The following DYSF variants were observed in gnomAD, a reference collection of about 807,000 sequenced individuals.
DYSF encodes dystrophy-associated fer-1-like 1.
DYSF carries 212 observed loss-of-function variants against 274.9 expected under a neutral mutation model. The observed-to-expected ratio is 0.77, with a 90% CI of 0.69 to 0.86. The LOEUF is 0.86. Ranked by LOEUF, DYSF falls within the 40% of genes least tolerant of loss-of-function variation. The pLI is 0.00. For synonymous variants in DYSF, 1,091 were observed against 1,078.7 expected, an observed-to-expected ratio of 1.01 and a Z score of -0.22; for missense variants, 2,666 against 2,783.2, an observed-to-expected ratio of 0.96 and a Z score of 0.95.
At chr2:71,485,029 G>T (rs2083255256) in intron 3 of DYSF, among the ~76,000 whole-genome samples, 1 of 152,178 alleles carries the variant, frequency 6.6e-6, no homozygotes, top group Admixed American at 6.6e-5. Flanking sequence ...GGTCCTCAAA[G>T]ATCAGTTTAT....
intron 46 of DYSF, among the ~76,000 whole-genome samples, chr2:71,664,949 C>T (rs1230658993): frequency 6.6e-6 from 1 of 152,230 alleles, no homozygotes; most frequent in South Asian, 2.1e-4. Flanking sequence ...AGTTGCAATT[C>T]CGTACTTAAA....
intron 51 of DYSF, among the ~76,000 whole-genome samples, chr2:71,672,668 C>T (rs1392017431): frequency 1.3e-5 from 2 of 152,206 alleles, no homozygotes; most frequent in Non-Finnish European, 2.9e-5. Context: ...CAGCTGCTCC[C>T]ACCAGGGGCC....
At chr2:71,594,048 G>T (rs758259631) in intron 32 of DYSF, among the ~76,000 whole-genome samples, 3 of 152,196 alleles carry the variant, frequency 2.0e-5, no homozygotes, top group Non-Finnish European at 4.4e-5. Flanking sequence ...ACAGTGGTGG[G>T]CCAGGTAGGT....
intron 13 of DYSF, 75 bp downstream of exon 13, chr2:71,526,421 C>CGGGGGGGGGGGGGGG: frequency 1.5e-5 from 4 of 272,068 alleles, no homozygotes; most frequent in East Asian, 9.7e-5. Flanking sequence ...TGGGCGATGG[C>CGGGGGGGGGGGGGGG]GGGCGGGGTC....
chr2:71,500,298 C>G (rs1410800096), intron 3 of DYSF, among the ~76,000 whole-genome samples: 2 of 152,140 alleles, frequency 1.3e-5, no homozygotes, highest in Non-Finnish European at 1.5e-5. Flanking sequence ...ATTTCTGACT[C>G]TTGTGAACTT....
At chr2:71,456,997 C>A (rs2081093689) in intron 1 of DYSF, among the ~76,000 whole-genome samples, 1 of 152,066 alleles carries the variant, frequency 6.6e-6, no homozygotes, top group South Asian at 2.1e-4. Flanking sequence ...AACAATTGAC[C>A]AAAAGATGGA....
intron 29 of DYSF, among the ~76,000 whole-genome samples, chr2:71,573,034 C>T (rs530121575): frequency 3.3e-5 from 5 of 152,342 alleles, no homozygotes; most frequent in East Asian, 1.9e-4. Context: ...CCTCTGTGCC[C>T]GCCTGTCCTG....
At chr2:71,665,942 G>T (rs529664858) in intron 47 of DYSF, among the ~76,000 whole-genome samples, 37 of 152,318 alleles carry the variant, frequency 2.4e-4, no homozygotes, top group African/African-American at 8.9e-4. Flanking sequence ...TACAGGCCCA[G>T]CTGGCCCCTT....
At position 71,548,010 on chromosome 2, in the gene DYSF, A is replaced by C. The variant is rs192859182; in HGVS notation, c.1577-3031A>C. On this transcript the variant is annotated intron_variant, in intron 17 of 55. Coordinates refer to ENST00000410020, the MANE Select transcript of DYSF (RefSeq NM_001130987.2). ...TGGCCACTGCTCTCCTCGGGCCTGC[A>C]GCTGTGTCTGTGTTGGCCCTCTCGC... Among the ~76,000 whole-genome samples, 299 of 152,318 alleles carry C rather than the reference A, an allele frequency of 2.0e-3. 2 individuals are homozygous for C. The highest frequency in any genetic ancestry group is 6.4e-3 in the African/African-American group (265 of 41,568).
intron 1 of DYSF, among the ~76,000 whole-genome samples, 174 bp downstream of exon 1, chr2:71,467,107 T>C (rs532095421): frequency 6.6e-6 from 1 of 152,300 alleles, no homozygotes; most frequent in South Asian, 2.1e-4. Context: ...CGATGAGGAA[T>C]AAGCAGAGCA....
intron 41 of DYSF, among the ~76,000 whole-genome samples, chr2:71,637,214 A>G (rs537867220): frequency 6.6e-6 from 1 of 152,094 alleles, no homozygotes; most frequent in African/African-American, 2.4e-5. Context: ...AATGACCCAG[A>G]GGGGAGGGAT....
chr2:71,680,234 A>C (rs1223698119), intron 53 of DYSF, among the ~76,000 whole-genome samples: 3 of 152,178 alleles, frequency 2.0e-5, no homozygotes, highest in African/African-American at 7.2e-5. Flanking sequence ...ACCCAAAGAT[A>C]AGGGAGGACT....
intron 3 of DYSF, among the ~76,000 whole-genome samples, chr2:71,487,578 G>A (rs1481051361): frequency 6.6e-6 from 1 of 152,090 alleles, no homozygotes; most frequent in Non-Finnish European, 1.5e-5. Flanking sequence ...GCATGATCTC[G>A]GCTCACTGCA....
At chr2:71,504,431 T>C (rs2152718021) in intron 4 of DYSF, among the ~76,000 whole-genome samples, 1 of 152,286 alleles carries the variant, frequency 6.6e-6, no homozygotes, top group Non-Finnish European at 1.5e-5. Flanking sequence ...TGTTCTGGTT[T>C]AGAGCAGTAT....
intron 40 of DYSF, among the ~76,000 whole-genome samples, chr2:71,618,228 TGG>T (rs199991568): frequency 1.4e-5 from 1 of 71,758 alleles, no homozygotes; most frequent in African/African-American, 5.5e-5. Flanking sequence ...GTGGTAGAGG[TGG>T]GGTGTGTGTG....
chr2:71,564,031 C>G, intron 23 of DYSF, 27 bp from the exon 24 acceptor site: 1 of 1,613,320 alleles, frequency 6.2e-7, no homozygotes, highest in Non-Finnish European at 8.5e-7. Flanking sequence ...GTCACCATCC[C>G]CACCCCGACC....
intron 36 of DYSF, among the ~76,000 whole-genome samples, chr2:71,610,597 T>C (rs192728669): frequency 6.6e-4 from 100 of 152,322 alleles, no homozygotes; most frequent in African/African-American, 2.3e-3. Flanking sequence ...TGCTCGTCTC[T>C]GTAGTGGAGA....
chr2:71,651,746 A>T (rs2094666445), intron 42 of DYSF, among the ~76,000 whole-genome samples: 1 of 152,202 alleles, frequency 6.6e-6, no homozygotes, highest in Admixed American at 6.5e-5. Flanking sequence ...ATATATATGA[A>T]AAATCTTAGA....
intron 16 of DYSF, among the ~76,000 whole-genome samples, chr2:71,537,218 GTTTTGTTTTT>G (rs1325664604): frequency 0.012 from 579 of 47,706 alleles, 6 homozygotes; most frequent in African/African-American, 0.035. Context: ...TTACTTTCTA[GTTTTGTTTTT>G]TTTTTTTTTT....
Sources: gnomAD v4.1 joint callset for allele counts (sites outside exome capture counted in the v4.1 genomes callset) on GRCh38, gnomAD v4.1.1 for gene constraint, MANE v1.5 for transcripts, NCBI Gene and HGNC (gene_info 2026-07-23, HGNC 2026-07-21) for gene names.